The following OTUD7A variants were observed in gnomAD, a reference collection of about 807,000 sequenced individuals.
The protein encoded by OTUD7A is OTU domain-containing protein 7A.
OTUD7A carries 12 observed loss-of-function variants against 65.7 expected under a neutral mutation model. That is an observed-to-expected ratio of 0.18 (90% CI 0.12 to 0.30). The LOEUF (loss-of-function observed/expected upper bound fraction) is 0.30. OTUD7A is among the 10% of genes least tolerant of loss of function. The probability of loss-of-function intolerance (pLI) is 1.00; values close to 1 mark genes in which losing one functional copy is unlikely to be tolerated. For synonymous variants in OTUD7A, 641 were observed against 586.3 expected (o/e 1.09, Z -1.35); for missense variants, 1,148 against 1,304.8 (o/e 0.88, Z 1.85).
intron 1 of OTUD7A, among the ~76,000 whole-genome samples, chr15:31,658,158 A>T (rs192221872): frequency 1.3e-5 from 2 of 152,298 alleles, no homozygotes; most frequent in East Asian, 1.9e-4. Context: ...CAATACAATT[A>T]TAATAATAAT....
intron 3 of OTUD7A, among the ~76,000 whole-genome samples, chr15:31,573,632 G>A (rs1163419778): frequency 6.6e-6 from 1 of 152,218 alleles, no homozygotes; most frequent in African/African-American, 2.4e-5. Flanking sequence ...CAGGTGCAGT[G>A]TTTCACACCT....
At chr15:31,594,518 C>T (rs539524840) in intron 3 of OTUD7A, among the ~76,000 whole-genome samples, 1 of 152,296 alleles carries the variant, frequency 6.6e-6, no homozygotes, top group Admixed American at 6.5e-5. Flanking sequence ...CTGCTGCAAG[C>T]CACCAGGGTC....
chr15:31,745,465 G>A (rs1379453594), intron 1 of OTUD7A, among the ~76,000 whole-genome samples: 1 of 152,092 alleles, frequency 6.6e-6, no homozygotes, highest in Non-Finnish European at 1.5e-5. Flanking sequence ...AGAGGTTGCT[G>A]GGAATAGCTG....
intron 1 of OTUD7A, among the ~76,000 whole-genome samples, chr15:31,824,357 G>T (rs1157255175): frequency 6.6e-6 from 1 of 152,164 alleles, no homozygotes; most frequent in Non-Finnish European, 1.5e-5. Context: ...CTCCATGCAT[G>T]AATGCCAGCT....
rs1003301549 is a variant in OTUD7A, at chr15:31,484,764, A to T, written c.1372-40T>A. ...AGGGCCGGATCGAAGGTGGTTAGAGAAGAGCTGTCCACGCGCCAGCGAGGA... is the reference window on the plus strand; with the variant it reads ...AGGGCCGGATCGAAGGTGGTTAGAGTAGAGCTGTCCACGCGCCAGCGAGGA... On this transcript the variant is annotated intron_variant, in intron 12 of 12. Transcript: ENST00000307050. This position sits in a 1 kb window ranked among gnomAD's most constrained non-coding sequence, Gnocchi z 4.5. The T allele has an allele frequency of 1.1e-5, 17 of 1,580,246 alleles. No individual in the cohort carries two copies. Among genetic ancestry groups the T allele is most frequent in the East Asian group, 4.5e-5 (2 of 44,274 alleles).
intron 3 of OTUD7A, among the ~76,000 whole-genome samples, chr15:31,594,257 T>C (rs1889839089): frequency 6.6e-6 from 1 of 152,218 alleles, no homozygotes; most frequent in Non-Finnish European, 1.5e-5. Context: ...AAGAAATCCA[T>C]TCCTTTCAGT....
chr15:31,568,680 G>A (rs1388053095), intron 4 of OTUD7A, among the ~76,000 whole-genome samples: 1 of 152,220 alleles, frequency 6.6e-6, no homozygotes, highest in African/African-American at 2.4e-5. Context: ...TTGGAGGTAA[G>A]GCCTAGTGGG....
At chr15:31,717,302 A>T (rs1285837787) in intron 1 of OTUD7A, among the ~76,000 whole-genome samples, 1 of 152,118 alleles carries the variant, frequency 6.6e-6, no homozygotes, top group African/African-American at 2.4e-5. Flanking sequence ...CAGGTTTGTT[A>T]CACAGGTATA....
intron 1 of OTUD7A, among the ~76,000 whole-genome samples, chr15:31,694,352 C>T (rs1893025796): frequency 6.6e-6 from 1 of 152,200 alleles, no homozygotes; most frequent in East Asian, 1.9e-4. Flanking sequence ...ATTCAGTTCT[C>T]CCTCTCCCTG....
chr15:31,788,010 T>G (rs879198250), intron 1 of OTUD7A, among the ~76,000 whole-genome samples: 1 of 152,212 alleles, frequency 6.6e-6, no homozygotes, highest in Admixed American at 6.5e-5. Flanking sequence ...TACTGTACAC[T>G]CTCATAATTC....
chr15:31,799,201 T>C (rs1387524488), intron 1 of OTUD7A, among the ~76,000 whole-genome samples: 1 of 152,178 alleles, frequency 6.6e-6, no homozygotes, highest in South Asian at 2.1e-4. Context: ...ACATGAACAG[T>C]GGGCTGTGCG....
intron 1 of OTUD7A, among the ~76,000 whole-genome samples, chr15:31,762,247 T>G (rs981928321): frequency 1.3e-5 from 2 of 152,190 alleles, no homozygotes; most frequent in African/African-American, 4.8e-5. Context: ...TCCAGGCATG[T>G]TCCTAAAACT....
At chr15:31,490,693 G>C (rs1242018688) in intron 10 of OTUD7A, among the ~76,000 whole-genome samples, 1 of 152,170 alleles carries the variant, frequency 6.6e-6, no homozygotes, top group Non-Finnish European at 1.5e-5. Flanking sequence ...GAACCCTGGG[G>C]GCTGAAGATA....
chr15:31,791,845 T>C (rs1895824450), intron 1 of OTUD7A, among the ~76,000 whole-genome samples: 1 of 152,138 alleles, frequency 6.6e-6, no homozygotes, highest in African/African-American at 2.4e-5. Flanking sequence ...ACAAATGTCA[T>C]GGAATGCAGG....
intron 10 of OTUD7A, among the ~76,000 whole-genome samples, chr15:31,496,989 T>TGTAAGCCTCGATCCTTGCA (rs1415762700): frequency 6.6e-6 from 1 of 152,214 alleles, no homozygotes; most frequent in Non-Finnish European, 1.5e-5. Context: ...TGTGATCATC[T>TGTAAGCCTCGATCCTTGCA]GTAAGCCTCG....
At chr15:31,606,633 C>G (rs1364615531) in intron 3 of OTUD7A, among the ~76,000 whole-genome samples, 2 of 152,188 alleles carry the variant, frequency 1.3e-5, no homozygotes, top group Non-Finnish European at 2.9e-5. Context: ...TAAACTGTAA[C>G]ACTACAAAGC....
chr15:31,570,142 C>T lies in OTUD7A; in HGVS notation c.207G>A (p.Val69=). 1 of 1,614,222 alleles carries T rather than the reference C, an allele frequency of 6.2e-7. No individual in the cohort carries two copies. The highest frequency in any genetic ancestry group is 8.5e-7 in the Non-Finnish European group (1 of 1,180,040). Residue 69 remains valine, a synonymous_variant, in exon 4 of 13, where the codon GTG becomes GTA. Transcript: ENST00000307050. Reference sequence around the variant, plus strand: ...ACACATGTGGCAGATTGGCTGTGTGCACCTGGCGGAGCTGCTCATAGTCGC... The same window carrying T: ...ACACATGTGGCAGATTGGCTGTGTGTACCTGGCGGAGCTGCTCATAGTCGC... The part of the protein sequence containing the change: ...ALSDYEQLRQ[V]HTANLPHVFN...
intron 1 of OTUD7A, among the ~76,000 whole-genome samples, chr15:31,728,699 T>C (rs1893960954): frequency 6.6e-6 from 1 of 152,246 alleles, no homozygotes. Flanking sequence ...ATGCTTTCCT[T>C]GGTTAAATTA....
At chr15:31,827,427 C>T (rs1042091294) in intron 1 of OTUD7A, among the ~76,000 whole-genome samples, 2 of 152,334 alleles carry the variant, frequency 1.3e-5, no homozygotes, top group South Asian at 2.1e-4. Flanking sequence ...ATTCAATTAT[C>T]TCCCACCAGG....
Sources: allele counts gnomAD v4.1 joint callset (sites outside exome capture counted in the v4.1 genomes callset), GRCh38; gene constraint gnomAD v4.1.1; non-coding constraint Gnocchi (gnomAD v3.1); transcripts MANE v1.5; gene names NCBI Gene and HGNC (gene_info 2026-07-23, HGNC 2026-07-21).